The following MROH2B variants were observed in gnomAD, a reference collection of about 807,000 sequenced individuals.
The protein encoded by MROH2B is maestro heat-like repeat-containing protein family member 2B.
A neutral mutation model predicts 208.6 loss-of-function variants in MROH2B; 177 were observed. The ratio of observed to expected loss-of-function variants is 0.85; its 90% CI spans 0.75 to 0.96. The LOEUF is 0.96. MROH2B is among the 40% of genes least tolerant of loss of function. The pLI, the probability that MROH2B is intolerant of heterozygous loss-of-function variation, is 0.00. For missense variants in MROH2B, 2,002 were observed against 1,878.7 expected (o/e 1.07, Z -1.21); for synonymous variants, 728 against 659.0 (o/e 1.10, Z -1.60).
intron 3 of MROH2B, 29 bp downstream of exon 3, chr5:41,067,079 C>G (rs1334082977): frequency 7.3e-7 from 1 of 1,367,282 alleles, no homozygotes; most frequent in Non-Finnish European, 1.0e-6. Context: ...CACATAAAGA[C>G]CCTTTTCACC....
rs192537371 is a variant in MROH2B, at chr5:41,025,218, G to A, written c.2442-6200C>T. ...ACCAAAGGAGATAGAGACACAAAAA[G>A]CCCTTCAAAAAATCAATGAATCTAG... On this transcript the variant is annotated intron_variant, in intron 24 of 41. Coordinates refer to ENST00000399564, the MANE Select transcript of MROH2B (RefSeq NM_173489.5). 3.8e-4 allele frequency among the ~76,000 whole-genome samples: 58 copies of A among 151,612 alleles called. 1 individual carries two copies. Among genetic ancestry groups the A allele is most frequent in the African/African-American group, 1.3e-3 (54 of 41,430 alleles).
At chr5:41,007,486 G>A (rs190514590) in intron 33 of MROH2B, 32 bp from the exon 34 acceptor site, 154 of 1,504,798 alleles carry the variant, frequency 1.0e-4, no homozygotes, top group Non-Finnish European at 1.3e-4. Flanking sequence ...ACAAAACTAA[G>A]TTGACCCTTA....
intron 24 of MROH2B, among the ~76,000 whole-genome samples, chr5:41,024,750 T>A (rs1162275592): frequency 6.6e-6 from 1 of 152,160 alleles, no homozygotes; most frequent in African/African-American, 2.4e-5. Flanking sequence ...AAGCACCACG[T>A]CACACTTATT....
At chr5:41,070,743 C>G in intron 1 of MROH2B, 82 bp downstream of exon 1, 1 of 1,448,466 alleles carries the variant, frequency 6.9e-7, no homozygotes, top group Non-Finnish European at 9.5e-7. Context: ...CGCGCCACTC[C>G]CAGCCCTCAT....
At chr5:41,004,704 G>T (rs984832404) in intron 36 of MROH2B, 70 bp downstream of exon 36, 7 of 1,566,270 alleles carry the variant, frequency 4.5e-6, no homozygotes, top group Admixed American at 1.9e-5. Context: ...CAACAACTAG[G>T]CGTGGGTTAT....
intron 18 of MROH2B, among the ~76,000 whole-genome samples, chr5:41,042,637 C>G (rs538020411): frequency 6.6e-6 from 1 of 151,932 alleles, no homozygotes; most frequent in Non-Finnish European, 1.5e-5. Context: ...GGGGTCTCAC[C>G]CTGTTTGCCC....
chr5:41,004,605 G>A lies in MROH2B; in HGVS notation c.4012-77C>T, dbSNP rs1017836578. On this transcript the variant is annotated intron_variant, in intron 36 of 41. Transcript: ENST00000399564. The stretch of plus-strand genomic sequence containing the variant: ...GAAGAGGGTAGGAGTCCTCAGACAA[G>A]AGGACTGAAATTTTGTCAGGGTCAC... The A allele has an allele frequency of 1.2e-5, 19 of 1,523,006 alleles. No individual in the cohort carries two copies. The East Asian group carries it at 3.9e-4, about 31-fold the overall frequency. 94.3% of individuals were successfully genotyped at this position (1,523,006 alleles called of 1,614,324 possible).
intron 27 of MROH2B, 139 bp downstream of exon 27, chr5:41,018,202 T>A: frequency 1.0e-6 from 1 of 1,000,892 alleles, no homozygotes; most frequent in Non-Finnish European, 1.4e-6. Context: ...TGAAGTTAGA[T>A]CTCTCTCCAA....
rs529427608 is a variant in MROH2B at position 41,028,025 on chromosome 5, C to T, written c.2441+4717G>A. On this transcript the variant is annotated intron_variant, in intron 24 of 41. Transcript: ENST00000399564. ...GAAACAGGGTGGGGAACATCACACA[C>T]CAGGGCCCGTCGTGGGGTGGGGGGA... Among the ~76,000 whole-genome samples the T allele has an allele frequency of 2.6e-5, 4 of 151,842 alleles. No homozygotes were observed. In the East Asian group the frequency reaches 7.8e-4, roughly 29 times the overall value.
At chr5:41,048,101 T>C in intron 16 of MROH2B, 1 of 500,128 alleles carries the variant, frequency 2.0e-6, no homozygotes, top group South Asian at 4.7e-5. Context: ...AAAGTAAAAA[T>C]TCCTGCTAAG....
At chr5:41,023,647 G>A (rs57261958) in intron 24 of MROH2B, among the ~76,000 whole-genome samples, 46,183 of 151,916 alleles carry the variant, frequency 0.3, 7,666 homozygotes, top group Non-Finnish European at 0.37. Context: ...AATCTAGCAA[G>A]GCAGGCCAAC....
At chr5:41,005,419 C>CT (rs1442160429) in intron 35 of MROH2B, 112 bp downstream of exon 35, 7 of 198,660 alleles carry the variant, frequency 3.5e-5, no homozygotes, top group South Asian at 9.0e-5. Flanking sequence ...TGAAACCCCC[C>CT]CCCCCCTTGA....
intron 19 of MROH2B, among the ~76,000 whole-genome samples, chr5:41,040,387 G>A (rs971281064): frequency 1.3e-5 from 2 of 152,176 alleles, no homozygotes; most frequent in African/African-American, 4.8e-5. Context: ...AACCCTGCCA[G>A]AGCCATCATG....
At chr5:41,060,973 TA>T (rs548364799) in intron 6 of MROH2B, among the ~76,000 whole-genome samples, 1 of 152,152 alleles carries the variant, frequency 6.6e-6, no homozygotes, top group Non-Finnish European at 1.5e-5. Context: ...TTAGCCTGCT[TA>T]AAAAAACTAT....
At chr5:41,043,936 G>A (rs1023478361) in intron 18 of MROH2B, among the ~76,000 whole-genome samples, 1 of 152,032 alleles carries the variant, frequency 6.6e-6, no homozygotes, top group East Asian at 1.9e-4. Flanking sequence ...GAAATCAGCT[G>A]TGCTAGTTAA....
intron 5 of MROH2B, among the ~76,000 whole-genome samples, chr5:41,062,305 A>T (rs1050735305): frequency 6.6e-6 from 1 of 152,216 alleles, no homozygotes; most frequent in Admixed American, 6.5e-5. Context: ...ACATGGATGA[A>T]TCTTACAAAC....
chr5:41,007,497 T>C (rs1253642023), intron 33 of MROH2B, 43 bp from the exon 34 acceptor site: 6 of 1,429,968 alleles, frequency 4.2e-6, no homozygotes, highest in South Asian at 3.2e-5. Flanking sequence ...TTGACCCTTA[T>C]AGGGAATTGC....
At chr5:41,018,098 C>G (rs1468940411) in intron 27 of MROH2B, 128 bp from the exon 28 acceptor site, 1 of 1,325,110 alleles carries the variant, frequency 7.5e-7, no homozygotes, top group Non-Finnish European at 1.0e-6. Context: ...TGATCTTGCA[C>G]TTTCTCCTAA....
intron 38 of MROH2B, 80 bp from the exon 39 acceptor site, chr5:41,000,431 G>A: frequency 2.0e-6 from 3 of 1,538,444 alleles, no homozygotes; most frequent in Middle Eastern, 1.7e-4. Flanking sequence ...GAATAGTACT[G>A]GGAAAGAAGC....
Sources: gnomAD v4.1 joint callset for allele counts (sites outside exome capture counted in the v4.1 genomes callset) on GRCh38, gnomAD v4.1.1 for gene constraint, MANE v1.5 for transcripts, NCBI Gene and HGNC (gene_info 2026-07-23, HGNC 2026-07-21) for gene names.